GNAS: variants seen among roughly 807,000 people sequenced by gnomAD.
GNAS encodes the protein protein ALEX.
In GNAS, 8 loss-of-function variants were observed where a neutral mutation model predicts 54.5. The ratio of observed to expected loss-of-function variants is 0.15; its 90% CI spans 0.09 to 0.26. The LOEUF (loss-of-function observed/expected upper bound fraction) is 0.26. Ranked by LOEUF, GNAS falls within the 10% of genes least tolerant of loss-of-function variation. The probability of loss-of-function intolerance (pLI) is 1.00; values close to 1 mark genes in which losing one functional copy is unlikely to be tolerated. For missense variants in GNAS, 170 were observed against 529.8 expected (o/e 0.32, Z 6.67); for synonymous variants, 204 against 191.4 (o/e 1.07, Z -0.54).
In GNAS at chr20:58,909,834, C is replaced by T; in HGVS notation, c.839+30C>T. ...GTGGAGTGACCGCCCACCCCCTGCG[C>T]TTGCCCAGGAGGCCCTGGTCTGCAC... On this transcript the variant is annotated intron_variant, in intron 10 of 12. Coordinates refer to ENST00000371085, the MANE Select transcript of GNAS (RefSeq NM_000516.7). The surrounding 1 kb of genome is among the most constrained non-coding windows in gnomAD (Gnocchi z 7.3). 2 of 1,612,942 alleles carry T rather than the reference C, an allele frequency of 1.2e-6. No individual in the cohort carries two copies. The highest frequency in any genetic ancestry group is 1.7e-6 in the Non-Finnish European group (2 of 1,179,956).
chr20:58,865,970 C>G (rs1195833704), intron 1 of GNAS, among the ~76,000 whole-genome samples: 1 of 152,178 alleles, frequency 6.6e-6, no homozygotes, highest in Non-Finnish European at 1.5e-5. Flanking sequence ...GCTAGGAATT[C>G]TCTCTCTGAC....
upstream of GNAS, chr20:58,891,271 CCCTCCT>C (rs1182454292): frequency 1.1e-3 from 161 of 145,910 alleles, no homozygotes; most frequent in Middle Eastern, 7.4e-3. Context: ...CGCTCCTCGG[CCCTCCT>C]CCTCCTCCTC....
upstream of GNAS, chr20:58,890,918 T>G (rs371062652): frequency 2.0e-5 from 3 of 151,908 alleles, no homozygotes; most frequent in East Asian, 2.0e-4. Context: ...CTCTCGCTCT[T>G]TCGAAAATTT....
At chr20:58,901,189 C>T (rs1309828406) in intron 3 of GNAS, among the ~76,000 whole-genome samples, 1 of 152,120 alleles carries the variant, frequency 6.6e-6, no homozygotes, top group Non-Finnish European at 1.5e-5. Context: ...TAGATTTGCC[C>T]TAGGGGGTTT....
intron 1 of GNAS, chr20:58,854,941 G>A (rs989572590): frequency 6.2e-7 from 1 of 1,605,150 alleles, no homozygotes; most frequent in South Asian, 1.1e-5. Flanking sequence ...GAGAGCAGCC[G>A]CGGCCGCCGC....
At chr20:58,892,261 CAA>C in intron 1 of GNAS, 1 of 857,112 alleles carries the variant, frequency 1.2e-6, no homozygotes, top group East Asian at 1.3e-4. Flanking sequence ...GAGACTGCGA[CAA>C]AAAGAGGGTT....
chr20:58,889,291 G>A (rs1317561438), upstream of GNAS: 21 of 993,062 alleles, frequency 2.1e-5, no homozygotes, highest in African/African-American at 3.5e-5. Flanking sequence ...CCCTGTCCCG[G>A]CGCGGGGCGG....
At chr20:58,892,475 G>C (rs993693819) in intron 1 of GNAS, 1 of 144,966 alleles carries the variant, frequency 6.9e-6, no homozygotes, top group Non-Finnish European at 1.5e-5. Context: ...GGGGGGGCTG[G>C]TGACATCAGC....
intron 1 of GNAS, chr20:58,855,180 G>A: frequency 6.2e-7 from 1 of 1,609,366 alleles, no homozygotes; most frequent in Non-Finnish European, 8.5e-7. Flanking sequence ...GGTCAAGAAG[G>A]TACCCCTGGC....
At chr20:58,848,071 G>A (rs142804268) in intron 1 of GNAS, among the ~76,000 whole-genome samples, 166 of 152,278 alleles carry the variant, frequency 1.1e-3, no homozygotes, top group African/African-American at 3.8e-3. Context: ...TTTTCAAAAC[G>A]CCACTGTTTG....
intron 1 of GNAS, among the ~76,000 whole-genome samples, chr20:58,844,732 A>G (rs2085878008): frequency 6.6e-6 from 1 of 152,136 alleles, no homozygotes; most frequent in Non-Finnish European, 1.5e-5. Context: ...TTGCTCAAAT[A>G]AAAAGCACCA....
At chr20:58,875,689 C>A (rs538459358) in intron 1 of GNAS, among the ~76,000 whole-genome samples, 1 of 152,186 alleles carries the variant, frequency 6.6e-6, no homozygotes, top group Non-Finnish European at 1.5e-5. Flanking sequence ...CGGGGTGCCC[C>A]CCCCACCCCA....
upstream of GNAS, chr20:58,840,807 C>G (rs761327919): frequency 6.2e-7 from 1 of 1,612,666 alleles, no homozygotes; most frequent in Admixed American, 1.7e-5. This position sits in a 1 kb window ranked among gnomAD's most constrained non-coding sequence, Gnocchi z 6.0. Context: ...CCGGAGTCCC[C>G]TTCCAAAAAG....
upstream of GNAS, among the ~76,000 whole-genome samples, chr20:58,887,058 AGT>A (rs2088639444): frequency 6.6e-6 from 1 of 152,230 alleles, no homozygotes; most frequent in Non-Finnish European, 1.5e-5. Context: ...GACATGGGGC[AGT>A]TTCACTCCTT....
upstream of GNAS, among the ~76,000 whole-genome samples, chr20:58,889,989 T>C (rs1455749373): frequency 6.6e-6 from 1 of 150,418 alleles, no homozygotes; most frequent in Non-Finnish European, 1.5e-5. Context: ...GGCTGCGGCG[T>C]TGGCCGAGCC....
intron 1 of GNAS, among the ~76,000 whole-genome samples, chr20:58,871,114 C>T (rs2087414530): frequency 6.6e-6 from 1 of 152,202 alleles, no homozygotes; most frequent in Admixed American, 6.5e-5. Context: ...TTCACTTGTT[C>T]AGTCCTTTCG....
upstream of GNAS, among the ~76,000 whole-genome samples, chr20:58,890,483 G>C (rs2089084667): frequency 6.6e-6 from 1 of 152,046 alleles, no homozygotes; most frequent in African/African-American, 2.4e-5. Flanking sequence ...TGCCCCTCGT[G>C]GTGTTCCTGG....
intron 1 of GNAS, chr20:58,842,300 G>T (rs1326257691): frequency 1.8e-5 from 7 of 397,736 alleles, no homozygotes. Flanking sequence ...TGGTGTGCGT[G>T]TCTCATTTTG....
chr20:58,868,309 G>A (rs1422996069), intron 1 of GNAS, among the ~76,000 whole-genome samples: 3 of 151,944 alleles, frequency 2.0e-5, no homozygotes, highest in East Asian at 1.9e-4. Flanking sequence ...GTGAGCCACC[G>A]TGCCCTGCCA....
Sources: gnomAD v4.1 joint callset for allele counts (sites outside exome capture counted in the v4.1 genomes callset) on GRCh38, gnomAD v4.1.1 for gene constraint, Gnocchi (gnomAD v3.1) non-coding constraint, MANE v1.5 for transcripts, NCBI Gene and HGNC (gene_info 2026-07-23, HGNC 2026-07-21) for gene names.